Variants in COL22A1 observed in about 807,000 individuals in gnomAD.
COL22A1 encodes collagen alpha-1(XXII) chain.
In COL22A1, 221 loss-of-function variants were observed where a neutral mutation model predicts 248.9. The ratio of observed to expected loss-of-function variants is 0.89; its 90% CI spans 0.80 to 0.99. The LOEUF (loss-of-function observed/expected upper bound fraction) is 0.99. Ranked by LOEUF, COL22A1 falls within the 50% of genes least tolerant of loss-of-function variation. The pLI is 0.00. For synonymous variants in COL22A1, 891 were observed against 793.4 expected, an observed-to-expected ratio of 1.12 and a Z score of -2.07; for missense variants, 2,240 against 2,179.0, an observed-to-expected ratio of 1.03 and a Z score of -0.56.
chr8:138,883,773 T>C (rs1824427314), intron 1 of COL22A1, among the ~76,000 whole-genome samples: 1 of 152,166 alleles, frequency 6.6e-6, no homozygotes, highest in Non-Finnish European at 1.5e-5. Flanking sequence ...CCTCCATAAC[T>C]GTAAGTTCCC....
chr8:138,736,607 C>A (rs1831129214), intron 23 of COL22A1, among the ~76,000 whole-genome samples: 1 of 152,068 alleles, frequency 6.6e-6, no homozygotes, highest in Admixed American at 6.5e-5. Context: ...TCAGGATCCA[C>A]ATGGCCGGCA....
intron 39 of COL22A1, among the ~76,000 whole-genome samples, chr8:138,683,260 G>T (rs1366813242): frequency 6.6e-6 from 1 of 152,134 alleles, no homozygotes; most frequent in Non-Finnish European, 1.5e-5. Flanking sequence ...AAGAAACTCA[G>T]CAGACATGCA....
chr8:138,710,165 C>T (rs938927103), intron 30 of COL22A1, among the ~76,000 whole-genome samples: 8 of 152,196 alleles, frequency 5.3e-5, no homozygotes, highest in African/African-American at 1.9e-4. Flanking sequence ...CACAGCATGG[C>T]ACAGAGATTG....
At position 138,878,285 on chromosome 8, in the gene COL22A1, G is replaced by A. The variant is rs1823905898; in HGVS notation, c.123C>T (p.Phe41=). 51 of 1,573,306 alleles carry A rather than the reference G, an allele frequency of 3.2e-5. No individual in the cohort carries two copies. Among genetic ancestry groups the A allele is most frequent in the Non-Finnish European group, 4.2e-5 (49 of 1,159,272 alleles). The part of the protein sequence containing the change: ...GCKSVHYDLV[F]LLDTSSSVGK... The stretch of plus-strand genomic sequence containing the variant: ...CCACGCTGGAGGAGGTGTCCAGGAG[G>A]AAGACCAGATCGTAGTGGACACTTT... Residue 41 remains phenylalanine, a synonymous_variant, in exon 3 of 65, where the codon TTC becomes TTT. Transcript: ENST00000303045.
intron 3 of COL22A1, among the ~76,000 whole-genome samples, chr8:138,857,862 C>T (rs190698830): frequency 9.8e-4 from 149 of 152,338 alleles, no homozygotes; most frequent in Admixed American, 3.5e-3. Context: ...GCCTCCTCCC[C>T]GGGCACTTGG....
chr8:138,883,325 G>C (rs1213072768), intron 1 of COL22A1, 81 bp from the exon 2 acceptor site: 4 of 739,002 alleles, frequency 5.4e-6, no homozygotes, highest in Non-Finnish European at 8.6e-6. Context: ...TGCCCAGGGG[G>C]ATTCCCTACA....
At position 138,690,867 on chromosome 8, in the gene COL22A1, G is replaced by A; in HGVS notation, c.2762C>T (p.Pro921Leu). 6.2e-7 allele frequency: 1 copy of A among 1,609,862 alleles called. No homozygotes were observed. The highest frequency in any genetic ancestry group is 8.5e-7 in the Non-Finnish European group (1 of 1,178,172). The change falls in exon 36 of 65, where the codon CCC becomes CTC. Residue 921 changes from proline to leucine, a missense_variant. By Grantham distance (98) the Pro-to-Leu change is moderately conservative. Coordinates refer to ENST00000303045, the MANE Select transcript of COL22A1 (RefSeq NM_152888.3). ...APGAAGNPGA[P>L]GHVGAPGPSG... is the part of the protein sequence containing the mutation. ...GGGACCGGGGGCACCGACATGTCCGGGAGCACCCTGTTCAGAGACAGAAGT... is the reference window on the plus strand; with the variant it reads ...GGGACCGGGGGCACCGACATGTCCGAGAGCACCCTGTTCAGAGACAGAAGT...
At chr8:138,678,450 A>C (rs182038834) in intron 40 of COL22A1, among the ~76,000 whole-genome samples, 30 of 152,228 alleles carry the variant, frequency 2.0e-4, no homozygotes, top group Non-Finnish European at 1.6e-4. Context: ...ATTTTCTGTA[A>C]ATTCTCAATT....
chr8:138,678,590 A>C (rs1825739655), intron 40 of COL22A1, among the ~76,000 whole-genome samples: 1 of 152,166 alleles, frequency 6.6e-6, no homozygotes, highest in Non-Finnish European at 1.5e-5. Flanking sequence ...AAAAAAAATA[A>C]GACAAATATG....
At chr8:138,813,877 T>A (rs1818461439) in intron 7 of COL22A1, among the ~76,000 whole-genome samples, 1 of 152,196 alleles carries the variant, frequency 6.6e-6, no homozygotes, top group Admixed American at 6.5e-5. Context: ...GTTCCACATA[T>A]CCCTATTTTC....
intron 45 of COL22A1, among the ~76,000 whole-genome samples, chr8:138,651,318 G>C (rs1043944010): frequency 1.3e-5 from 2 of 152,156 alleles, no homozygotes; most frequent in Admixed American, 6.5e-5. Flanking sequence ...AGCACTCAGA[G>C]GACAGAGGTA....
At position 138,646,699 on chromosome 8, in the gene COL22A1, A is replaced by C; in HGVS notation, c.3448-17T>G. Reference sequence around the variant, plus strand: ...AGCCTCTCCCTGTATCAGGGATACAAGAAAAAAAAAGAAAACAAGAATGAG... The same window carrying C: ...AGCCTCTCCCTGTATCAGGGATACACGAAAAAAAAAGAAAACAAGAATGAG... On this transcript the variant is annotated splice_polypyrimidine_tract_variant and intron_variant, in intron 46 of 64. Coordinates refer to ENST00000303045, the MANE Select transcript of COL22A1 (RefSeq NM_152888.3). The C allele has an allele frequency of 6.5e-7, 1 of 1,541,776 alleles. No individual in the cohort carries two copies. The highest frequency in any genetic ancestry group is 1.4e-5 in the African/African-American group (1 of 72,786).
At chr8:138,778,620 G>C (rs1332798005) in intron 14 of COL22A1, among the ~76,000 whole-genome samples, 1 of 152,144 alleles carries the variant, frequency 6.6e-6, no homozygotes, top group African/African-American at 2.4e-5. Context: ...CTGCTGCCTG[G>C]TGGAGCCCTG....
At chr8:138,838,433 G>A (rs1820602091) in intron 4 of COL22A1, among the ~76,000 whole-genome samples, 2 of 152,226 alleles carry the variant, frequency 1.3e-5, no homozygotes, top group South Asian at 4.1e-4. Flanking sequence ...ACTGCAAAGT[G>A]GGCCGATCCT....
chr8:138,668,700 T>C (rs1824729656), intron 41 of COL22A1, among the ~76,000 whole-genome samples: 1 of 152,188 alleles, frequency 6.6e-6, no homozygotes, highest in Non-Finnish European at 1.5e-5. Flanking sequence ...ACCTCACATG[T>C]GTGCAGGCCT....
intron 62 of COL22A1, 23 bp downstream of exon 62, chr8:138,596,881 C>T (rs200129897): frequency 5.7e-5 from 92 of 1,611,182 alleles, no homozygotes; most frequent in East Asian, 5.1e-4. Flanking sequence ...TCTGCAAGAC[C>T]GTAACACAGT....
intron 64 of COL22A1, among the ~76,000 whole-genome samples, chr8:138,589,981 G>T (rs1816900363): frequency 6.6e-6 from 1 of 151,754 alleles, no homozygotes; most frequent in African/African-American, 2.4e-5. Context: ...AAGCTATTCT[G>T]TAAAATCATG....
intron 22 of COL22A1, among the ~76,000 whole-genome samples, chr8:138,745,253 C>A (rs1353787307): frequency 6.6e-6 from 1 of 151,652 alleles, no homozygotes; most frequent in Non-Finnish European, 1.5e-5. Flanking sequence ...TCAGCTGAGA[C>A]TCAGTGCTAC....
intron 21 of COL22A1, among the ~76,000 whole-genome samples, chr8:138,753,218 G>A (rs547505940): frequency 3.9e-5 from 6 of 152,152 alleles, no homozygotes; most frequent in Admixed American, 2.0e-4. Context: ...AACACCTGCC[G>A]CAGGGCTAGC....
Sources: allele counts gnomAD v4.1 joint callset (sites outside exome capture counted in the v4.1 genomes callset), GRCh38; gene constraint gnomAD v4.1.1; transcripts MANE v1.5; gene names NCBI Gene and HGNC (gene_info 2026-07-23, HGNC 2026-07-21).